Variants in CAVIN3 observed in about 807,000 individuals in gnomAD.
CAVIN3 encodes caveolae-associated protein 3.
A neutral mutation model predicts 8.2 loss-of-function variants in CAVIN3; 11 were observed. That is an observed-to-expected ratio of 1.35 (90% CI 0.85 to 2.23). The LOEUF (loss-of-function observed/expected upper bound fraction) is 2.23. CAVIN3 is among the 30% of genes most tolerant of loss of function. The probability of loss-of-function intolerance (pLI) is 0.00; values close to 1 mark genes in which losing one functional copy is unlikely to be tolerated. For missense variants in CAVIN3, 401 were observed against 359.5 expected (o/e 1.12, Z -0.93); for synonymous variants, 191 against 166.3 (o/e 1.15, Z -1.14).
At position 6,320,210 on chromosome 11, in the gene CAVIN3, G is replaced by A; in HGVS notation, c.267C>T (p.Ser89=). 6.4e-7 allele frequency: 1 copy of A among 1,564,312 alleles called. No homozygotes were observed. Among genetic ancestry groups the A allele is most frequent in the Non-Finnish European group, 8.6e-7 (1 of 1,162,448 alleles). ...GCTCTTGGGCGGCGTTGGCGTGCGA[G>A]CTCACGCGCTCCGCCTTGGCCAGCA... is the stretch of plus-strand genomic sequence containing the variant. ...AQLLAKAERV[S]SHANAAQERA... Residue 89 remains serine, a synonymous_variant, in exon 1 of 2, where the codon AGC becomes AGT. Coordinates refer to ENST00000303927, the MANE Select transcript of CAVIN3 (RefSeq NM_145040.3).
chr11:6,320,326 C>G lies in CAVIN3; in HGVS notation c.151G>C (p.Gly51Arg). Residue 51 changes from glycine to arginine, a missense_variant, in exon 1 of 2, where the codon GGA becomes CGA. By Grantham distance (125) the Gly-to-Arg change is moderately radical. Coordinates refer to ENST00000303927, the MANE Select transcript of CAVIN3 (RefSeq NM_145040.3). ...CGGCGCACGGACCCTGCCAGGCCTC[C>G]CTGCCTTCGAGCCAGGCCTCCCTGC... The part of the protein sequence containing the change: ...ERQGGLARRQ[G>R]GLAGSVRRIQ... The G allele has an allele frequency of 7.0e-6, 11 of 1,564,128 alleles. No individual in the cohort carries two copies. The highest frequency in any genetic ancestry group is 9.5e-6 in the Non-Finnish European group (11 of 1,163,832).
intron 1 of CAVIN3, 36 bp downstream of exon 1, chr11:6,320,057 A>T (rs1434533230): frequency 1.1e-5 from 17 of 1,539,602 alleles, no homozygotes; most frequent in Non-Finnish European, 1.5e-5. Context: ...CAGGCCGGCA[A>T]AGGCCTCGGA....
intron 1 of CAVIN3, 57 bp downstream of exon 1, chr11:6,320,036 C>G: frequency 3.3e-6 from 5 of 1,508,914 alleles, no homozygotes; most frequent in East Asian, 2.4e-5. Context: ...GAGCCCCCAG[C>G]TGGTGGCCCA....
chr11:6,319,227 T>C lies in CAVIN3; in HGVS notation c.722A>G (p.Glu241Gly), dbSNP rs1246480546. 6.3e-7 allele frequency: 1 copy of C among 1,576,864 alleles called. No individual in the cohort carries two copies. The highest frequency in any genetic ancestry group is 1.2e-5 in the South Asian group (1 of 84,618). Residue 241 changes from glutamate to glycine, a missense_variant, in exon 2 of 2, where the codon GAG (glutamate) becomes GGG (glycine). By Grantham distance (98) the Glu-to-Gly change is moderately conservative (BLOSUM62 -2). Transcript: ENST00000303927. ...AGCCCCAGGTCTCCCGGGATCTTCC[T>C]CGGTGTCCTGCGGAGGCTCTGGCTC... Reference protein sequence around the residue: ...TLEPEPPQDTEEDPGRPGAAE... With the variant: ...TLEPEPPQDTGEDPGRPGAAE...
chr11:6,319,639 A>C, intron 1 of CAVIN3, 75 bp from the exon 2 acceptor site: 7 of 1,484,954 alleles, frequency 4.7e-6, no homozygotes, highest in Non-Finnish European at 4.5e-6. Context: ...CCTTAATTAC[A>C]CAAGGGAAAC....
rs955649686 is a variant in CAVIN3 at position 6,320,352 on chromosome 11, C to T, written c.125G>A (p.Arg42Gln). ...LASMLETLRE[R>Q]QGGLARRQGG... Reference sequence around the variant, plus strand: ...CTGCCTTCGAGCCAGGCCTCCCTGCCGCTCCCGCAGAGTCTCCAGCATGGA... The same window carrying T: ...CTGCCTTCGAGCCAGGCCTCCCTGCTGCTCCCGCAGAGTCTCCAGCATGGA... Residue 42 changes from arginine to glutamine, a missense_variant, in exon 1 of 2, where the codon CGG becomes CAG. Physicochemically the swap from Arg to Gln is conservative, Grantham distance 43. Transcript: ENST00000303927. 10 of 1,581,492 alleles carry T rather than the reference C, an allele frequency of 6.3e-6. No individual in the cohort carries two copies. The highest frequency in any genetic ancestry group is 3.5e-5 in the Admixed American group (2 of 57,642).
chr11:6,320,074 AC>A lies in CAVIN3; in HGVS notation c.384+18del, dbSNP rs1846804213. On this transcript the variant is annotated intron_variant, in intron 1 of 1. Transcript: ENST00000303927. ...GGCCGGCAAAGGCCTCGGATTGGGG[AC>A]CGTTTGAGGTCACTGACCTTGAAGA... The A allele has an allele frequency of 6.4e-7, 1 of 1,567,754 alleles. No homozygotes were observed. The highest frequency in any genetic ancestry group is 8.6e-7 in the Non-Finnish European group (1 of 1,168,242).
Position 6,318,994 on chromosome 11 carries a change from GACT to G in CAVIN3, c.*166_*168del. 15 of 571,546 alleles carry G rather than the reference GACT, an allele frequency of 2.6e-5. No homozygotes were observed. The highest frequency in any genetic ancestry group is 1.9e-4 in the South Asian group (5 of 26,202). 35.4% of individuals were successfully genotyped at this position (571,546 alleles called of 1,614,324 possible). A position where few individuals can be genotyped will look rare whatever the true frequency, so the allele number is the denominator to read the frequency against. On this transcript the variant is annotated 3_prime_UTR_variant, in exon 2 of 2. Coordinates refer to ENST00000303927, the MANE Select transcript of CAVIN3 (RefSeq NM_145040.3). ...ATGGTGAGCGCAAGCAGGTGTGAGT[GACT>G]GCACCTCTTTCAGAGGACACAGGAC...
intron 1 of CAVIN3, 162 bp from the exon 2 acceptor site, chr11:6,319,726 T>C (rs1281855492): frequency 3.4e-6 from 3 of 878,872 alleles, no homozygotes; most frequent in African/African-American, 1.6e-5. Flanking sequence ...GCGTGCGAAC[T>C]GCAAAACGCT....
In CAVIN3 at chr11:6,320,447, A is replaced by G; in HGVS notation, c.30T>C (p.Pro10=). MRESALERG[P]VPEAPAGGPV... is the part of the protein sequence containing the mutation. ...GACCCCCCGCCGGCGCCTCGGGCAC[A>G]GGCCCCCGCTCCAACGCACTCTCCC... Residue 10 remains proline, a synonymous_variant, in exon 1 of 2, where the codon CCT becomes CCC. Transcript: ENST00000303927. 6.5e-7 allele frequency: 1 copy of G among 1,542,930 alleles called. No homozygotes were observed. Among genetic ancestry groups the G allele is most frequent in the Non-Finnish European group, 8.7e-7 (1 of 1,151,712 alleles).
chr11:6,319,964 T>A, intron 1 of CAVIN3, 129 bp downstream of exon 1: 3 of 1,067,168 alleles, frequency 2.8e-6, no homozygotes, highest in Non-Finnish European at 3.9e-6. Flanking sequence ...GTGAGTCTGT[T>A]CCACAGCAAC....
chr11:6,319,174 T>C lies in CAVIN3; in HGVS notation c.775A>G (p.Ser259Gly), dbSNP rs768834754. The C allele has an allele frequency of 1.8e-5, 28 of 1,527,652 alleles. No homozygotes were observed. Among genetic ancestry groups the C allele is most frequent in the Non-Finnish European group, 2.5e-5 (28 of 1,140,896 alleles). 94.6% of individuals were successfully genotyped at this position (1,527,652 alleles called of 1,614,324 possible). A position where few individuals can be genotyped will look rare whatever the true frequency, so the allele number is the denominator to read the frequency against. Residue 259 changes from serine (S) to glycine (G), a missense_variant, in exon 2 of 2, where the codon AGT (serine) becomes GGT (glycine). By Grantham distance (56) the Ser-to-Gly change is moderately conservative (BLOSUM62 0). Transcript: ENST00000303927. ...AAEEALLQME[S>G]VA Reference sequence around the variant, plus strand: ...GGCAACACCAGCCCTCAGGCTACACTCTCCATTTGGAGCAGAGCTTCTTCG... The same window carrying C: ...GGCAACACCAGCCCTCAGGCTACACCCTCCATTTGGAGCAGAGCTTCTTCG...
chr11:6,319,962 G>T, intron 1 of CAVIN3, 131 bp downstream of exon 1: 1 of 1,053,430 alleles, frequency 9.5e-7, no homozygotes, highest in Non-Finnish European at 1.3e-6. Flanking sequence ...CTGTGAGTCT[G>T]TTCCACAGCA....
At position 6,320,076 on chromosome 11, in the gene CAVIN3, C is replaced by G. The variant is rs746700759; in HGVS notation, c.384+17G>C. On this transcript the variant is annotated intron_variant, in intron 1 of 1. Coordinates refer to ENST00000303927, the MANE Select transcript of CAVIN3 (RefSeq NM_145040.3). ...CCGGCAAAGGCCTCGGATTGGGGAC[C>G]GTTTGAGGTCACTGACCTTGAAGAG... The G allele has an allele frequency of 6.4e-7, 1 of 1,572,608 alleles. No individual in the cohort carries two copies. The highest frequency in any genetic ancestry group is 1.2e-5 in the South Asian group (1 of 85,820).
chr11:6,319,599 C>G lies in CAVIN3; in HGVS notation c.385-35G>C, dbSNP rs750491135. 5 of 1,545,572 alleles carry G rather than the reference C, an allele frequency of 3.2e-6. No homozygotes were observed. In the East Asian group the frequency reaches 1.2e-4, roughly 37 times the overall value. ...ACGGACACAGCACTGATCCTGGCAG[C>G]TCCTTACCCCCAGCAGCCCGAAACT... On this transcript the variant is annotated intron_variant, in intron 1 of 1. Transcript: ENST00000303927.
At position 6,319,132 on chromosome 11, in the gene CAVIN3, C is replaced by T. The variant is rs77678294; in HGVS notation, c.*31G>A. On this transcript the variant is annotated 3_prime_UTR_variant, in exon 2 of 2. Transcript: ENST00000303927. ...AAAGGATTTATTTTGGGACAAGGCA[C>T]AAGCACAGGGGAGGCAGGCAACACC... is the stretch of plus-strand genomic sequence containing the variant. 3.5e-4 allele frequency: 531 copies of T among 1,506,918 alleles called. 8 individuals carry two copies. The East Asian group carries it at 0.012, about 33-fold the overall frequency. 93.3% of individuals were successfully genotyped at this position (1,506,918 alleles called of 1,614,324 possible).
rs1319103036 is a variant in CAVIN3, at chr11:6,319,188, A to T, written c.761T>A (p.Leu254Gln). Residue 254 changes from leucine (L) to glutamine (Q), a missense_variant, in exon 2 of 2, where the codon CTG becomes CAG. By Grantham distance (113) the Leu-to-Gln change is moderately radical. Transcript: ENST00000303927. ...TCAGGCTACACTCTCCATTTGGAGCAGAGCTTCTTCGGCAGCCCCAGGTCT... is the reference window on the plus strand; with the variant it reads ...TCAGGCTACACTCTCCATTTGGAGCTGAGCTTCTTCGGCAGCCCCAGGTCT... The part of the protein sequence containing the change: ...PGRPGAAEEA[L>Q]LQMESVA 2 of 1,537,732 alleles carry T rather than the reference A, an allele frequency of 1.3e-6. No individual in the cohort carries two copies. Among genetic ancestry groups the T allele is most frequent in the Admixed American group, 4.3e-5 (2 of 46,624 alleles).
intron 1 of CAVIN3, 156 bp from the exon 2 acceptor site, chr11:6,319,720 G>A (rs956987347): frequency 6.4e-6 from 6 of 941,592 alleles, no homozygotes; most frequent in East Asian, 2.6e-5. Flanking sequence ...AAAGCTGCGT[G>A]CGAACTGCAA....
At position 6,319,522 on chromosome 11, in the gene CAVIN3, C is replaced by T; in HGVS notation, c.427G>A (p.Glu143Lys). 6.3e-7 allele frequency: 1 copy of T among 1,594,678 alleles called. No homozygotes were observed. Residue 143 changes from glutamate to lysine, a missense_variant, in exon 2 of 2, where the codon GAG (glutamate) becomes AAG (lysine). Physicochemically the swap from Glu to Lys is moderately conservative, Grantham distance 56. Transcript: ENST00000303927. ...VPASAFQKAP[E>K]PLGPADQSEL... ...GACTGGTCCGCCGGGCCCAAGGGCT[C>T]TGGTGCCTTCTGGAAAGCGCTGGCT...
Sources: gnomAD v4.1 joint callset for allele counts on GRCh38, gnomAD v4.1.1 for gene constraint, MANE v1.5 for transcripts, NCBI Gene and HGNC (gene_info 2026-07-23, HGNC 2026-07-21) for gene names.